Variants in PGR observed in about 807,000 individuals in gnomAD.
PGR encodes the protein nuclear receptor subfamily 3 group C member 3.
In PGR, 25 loss-of-function variants were observed where a neutral mutation model predicts 76.1. That is an observed-to-expected ratio of 0.33 (90% CI 0.24 to 0.46). PGR has a LOEUF of 0.46. Among genes scored for constraint, PGR ranks in the 20% least tolerant of loss-of-function variants. The pLI is 1.00. For synonymous variants in PGR, 579 were observed against 535.0 expected, an observed-to-expected ratio of 1.08 and a Z score of -1.14; for missense variants, 1,172 against 1,225.3, an observed-to-expected ratio of 0.96 and a Z score of 0.65.
intron 3 of PGR, among the ~76,000 whole-genome samples, chr11:101,083,553 C>T (rs1861384030): frequency 6.6e-6 from 1 of 152,202 alleles, no homozygotes; most frequent in African/African-American, 2.4e-5. Context: ...TCCTGTAGAG[C>T]CACAGGGTGG....
chr11:101,084,641 G>C (rs980325462), intron 3 of PGR, among the ~76,000 whole-genome samples: 9 of 145,730 alleles, frequency 6.2e-5, no homozygotes, highest in African/African-American at 2.3e-4. Flanking sequence ...CTGGGCATCA[G>C]AGTAAGACTC....
At chr11:101,127,396 C>G (rs779182390) in intron 1 of PGR, 38 bp downstream of exon 1, 12 of 1,473,452 alleles carry the variant, frequency 8.1e-6, no homozygotes, top group Non-Finnish European at 1.1e-5. Flanking sequence ...AACCGCTACT[C>G]CCGGACGCGC....
intron 7 of PGR, among the ~76,000 whole-genome samples, chr11:101,039,504 A>C (rs1400741004): frequency 6.6e-6 from 1 of 151,978 alleles, no homozygotes; most frequent in Non-Finnish European, 1.5e-5. Flanking sequence ...AAGAAATGAA[A>C]GTTATTCACA....
At chr11:101,056,590 C>T (rs1219150570) in intron 4 of PGR, among the ~76,000 whole-genome samples, 1 of 137,378 alleles carries the variant, frequency 7.3e-6, no homozygotes, top group Non-Finnish European at 1.5e-5. Context: ...CCGTGAGCTA[C>T]AATCATGCCA....
rs1189240709 is a variant in PGR, at chr11:101,051,501, C to G, written c.2280G>C (p.Val760=). Residue 760 remains valine (V), a synonymous_variant, in exon 5 of 8, where the codon GTG becomes GTC. Coordinates refer to ENST00000325455, the MANE Select transcript of PGR (RefSeq NM_000926.4). ...TGTAGGATCTCCATCCTAGACCAAA[C>G]ACCATTAAGCTCATCCAAGAATACT... is the stretch of plus-strand genomic sequence containing the variant. ...LIQYSWMSLM[V]FGLGWRSYKH... The G allele has an allele frequency of 2.5e-6, 4 of 1,609,334 alleles. No homozygotes were observed. The South Asian group carries it at 4.4e-5, about 18-fold the overall frequency.
At chr11:101,041,046 T>C (rs540684743) in intron 7 of PGR, among the ~76,000 whole-genome samples, 10 of 124,500 alleles carry the variant, frequency 8.0e-5, no homozygotes, top group African/African-American at 2.5e-4. Context: ...AAATGTCTGT[T>C]TTAAAAATGT....
At chr11:101,075,480 T>TA (rs1215383059) in intron 3 of PGR, among the ~76,000 whole-genome samples, 1 of 151,988 alleles carries the variant, frequency 6.6e-6, no homozygotes, top group Non-Finnish European at 1.5e-5. Flanking sequence ...GGGATCTAAT[T>TA]AAACTAAAGA....
chr11:101,106,423 T>G (rs1862164700), intron 2 of PGR, among the ~76,000 whole-genome samples: 1 of 151,982 alleles, frequency 6.6e-6, no homozygotes, highest in African/African-American at 2.4e-5. Context: ...AGCAGACACT[T>G]CTCAAAAAAA....
At chr11:101,049,632 T>C (rs562145410) in intron 6 of PGR, among the ~76,000 whole-genome samples, 4 of 152,298 alleles carry the variant, frequency 2.6e-5, no homozygotes, top group African/African-American at 9.6e-5. Context: ...AATATTATTA[T>C]GTGGCACATG....
chr11:101,127,734 G>A lies in PGR; in HGVS notation c.1337C>T (p.Ala446Val), dbSNP rs1862910070. 1.3e-6 allele frequency: 2 copies of A among 1,563,666 alleles called. No individual in the cohort carries two copies. Residue 446 changes from alanine to valine, a missense_variant, in exon 1 of 8, where the codon GCC becomes GTC. Ala to Val is a moderately conservative substitution (Grantham distance 64). Transcript: ENST00000325455. The stretch of plus-strand genomic sequence containing the variant: ...CGAGGAGGACGCAGACGAGACTGAG[G>A]CACTGGCGGGTGCGGCCGTCACCGC... Reference protein sequence around the residue: ...EAAVTAAPASASVSSASSSGS... With the variant: ...EAAVTAAPASVSVSSASSSGS...
chr11:101,039,318 A>T, intron 7 of PGR, 47 bp from the exon 8 acceptor site: 1 of 1,344,868 alleles, frequency 7.4e-7, no homozygotes, highest in Non-Finnish European at 1.1e-6. Flanking sequence ...AAAATAATAA[A>T]TTCATATGCT....
intron 3 of PGR, among the ~76,000 whole-genome samples, chr11:101,078,247 T>C (rs1861187816): frequency 6.6e-6 from 1 of 151,882 alleles, no homozygotes; most frequent in South Asian, 2.1e-4. Flanking sequence ...CCTTTTAAAA[T>C]GTGAAGATAA....
chr11:101,056,767 TA>T (rs1860310767), intron 4 of PGR, among the ~76,000 whole-genome samples: 1 of 151,950 alleles, frequency 6.6e-6, no homozygotes, highest in Non-Finnish European at 1.5e-5. Flanking sequence ...TTGAAACAGA[TA>T]ATCTACAACA....
chr11:101,040,212 T>TA (rs569366189), intron 7 of PGR, among the ~76,000 whole-genome samples: 33 of 152,178 alleles, frequency 2.2e-4, no homozygotes, highest in Admixed American at 9.2e-4. Flanking sequence ...AACAGAATTG[T>TA]AAAAATCACC....
At chr11:101,125,026 A>G (rs895043682) in intron 2 of PGR, among the ~76,000 whole-genome samples, 4 of 152,034 alleles carry the variant, frequency 2.6e-5, no homozygotes, top group Admixed American at 2.6e-4. Context: ...ACAAACAAAC[A>G]AACAAAAATC....
intron 7 of PGR, among the ~76,000 whole-genome samples, chr11:101,040,180 C>T (rs1859650646): frequency 6.6e-6 from 1 of 152,022 alleles, no homozygotes; most frequent in Non-Finnish European, 1.5e-5. Flanking sequence ...ATATTTGTCT[C>T]AAAGCCATAG....
At position 101,050,079 on chromosome 11, in the gene PGR, A is replaced by C; in HGVS notation, c.2358-20T>G. On this transcript the variant is annotated intron_variant, in intron 5 of 7. Coordinates refer to ENST00000325455, the MANE Select transcript of PGR (RefSeq NM_000926.4). ...CGCTGTCTTGCATCACACACAATACACAAAAGAAAAAGCAACAGGAAAAAA... is the reference window on the plus strand; with the variant it reads ...CGCTGTCTTGCATCACACACAATACCCAAAAGAAAAAGCAACAGGAAAAAA... 1 of 1,611,198 alleles carries C rather than the reference A, an allele frequency of 6.2e-7. No individual in the cohort carries two copies. The highest frequency in any genetic ancestry group is 2.2e-5 in the East Asian group (1 of 44,666).
chr11:101,113,172 A>G (rs924829906), intron 2 of PGR, among the ~76,000 whole-genome samples: 1 of 152,224 alleles, frequency 6.6e-6, no homozygotes, highest in African/African-American at 2.4e-5. Flanking sequence ...CTACAAAACA[A>G]CAGTGTCTTT....
intron 2 of PGR, among the ~76,000 whole-genome samples, chr11:101,094,013 C>T (rs1218387484): frequency 1.3e-5 from 2 of 152,144 alleles, no homozygotes; most frequent in African/African-American, 4.8e-5. Flanking sequence ...TCAAACAATT[C>T]CTTCCTATCT....
Sources: gnomAD v4.1 joint callset for allele counts (sites outside exome capture counted in the v4.1 genomes callset) on GRCh38, gnomAD v4.1.1 for gene constraint, MANE v1.5 for transcripts, NCBI Gene and HGNC (gene_info 2026-07-23, HGNC 2026-07-21) for gene names.